Variants in SH3GL2 observed in about 807,000 individuals in gnomAD.
SH3GL2 encodes endophilin-A1.
Under a neutral mutation model 46.0 loss-of-function variants are expected in SH3GL2, and 24 were observed. The observed-to-expected ratio is 0.52, with a 90% confidence interval of 0.38 to 0.73. The LOEUF is 0.73. Ranked by LOEUF, SH3GL2 falls within the 30% of genes least tolerant of loss-of-function variation. SH3GL2 has a pLI of 0.00. For synonymous variants in SH3GL2, 196 were observed against 147.1 expected (o/e 1.33, Z -2.40); for missense variants, 413 against 424.2 (o/e 0.97, Z 0.23).
At chr9:17,654,194 C>G (rs1820017859) in intron 1 of SH3GL2, among the ~76,000 whole-genome samples, 1 of 152,140 alleles carries the variant, frequency 6.6e-6, no homozygotes, top group South Asian at 2.1e-4. Context: ...TTTGGCTGCT[C>G]CTGTTTCTCT....
chr9:17,710,700 A>T (rs974488090), intron 1 of SH3GL2, among the ~76,000 whole-genome samples: 12 of 152,026 alleles, frequency 7.9e-5, no homozygotes, highest in African/African-American at 2.9e-4. Flanking sequence ...GCATATCGTT[A>T]AAACCTTAAC....
intron 2 of SH3GL2, among the ~76,000 whole-genome samples, chr9:17,753,437 G>A (rs1037125479): frequency 2.0e-5 from 3 of 152,148 alleles, no homozygotes; most frequent in African/African-American, 7.2e-5. Context: ...GTGATGTTGA[G>A]TGTTTTCTCA....
rs553828248 is a variant in SH3GL2 at position 17,746,920 on chromosome 9, C to G, written c.46-146C>G. 2.0e-5 allele frequency: 12 copies of G among 599,160 alleles called. 1 individual carries two copies. In the South Asian group the frequency reaches 2.7e-4, roughly 13 times the overall value. The allele number at this position is 599,160 out of a possible 1,614,324, so 37.1% of individuals were successfully genotyped here. On this transcript the variant is annotated intron_variant, in intron 1 of 8. Transcript: ENST00000380607. Reference sequence around the variant, plus strand: ...TTCAGACCCTCAGAGCCACAGTTTGCTGCTATAAAAATGAGACTCTCCACC... The same window carrying G: ...TTCAGACCCTCAGAGCCACAGTTTGGTGCTATAAAAATGAGACTCTCCACC...
intron 1 of SH3GL2, among the ~76,000 whole-genome samples, chr9:17,619,004 T>G (rs34204036): frequency 6.6e-6 from 1 of 152,180 alleles, no homozygotes; most frequent in African/African-American, 2.4e-5. Flanking sequence ...TTTGAAAAGT[T>G]TAAGTACAAA....
At chr9:17,684,775 G>GT (rs1820861772) in intron 1 of SH3GL2, among the ~76,000 whole-genome samples, 1 of 152,086 alleles carries the variant, frequency 6.6e-6, no homozygotes, top group Admixed American at 6.6e-5. Context: ...TCAGAATTAG[G>GT]TAAGGTTACA....
chr9:17,693,043 G>A (rs947221022), intron 1 of SH3GL2, among the ~76,000 whole-genome samples: 5 of 152,160 alleles, frequency 3.3e-5, no homozygotes, highest in Non-Finnish European at 5.9e-5. Flanking sequence ...ATAAATTCAA[G>A]TTGAGATTTG....
intron 1 of SH3GL2, among the ~76,000 whole-genome samples, chr9:17,722,044 A>G (rs898822631): frequency 1.3e-5 from 2 of 152,038 alleles, no homozygotes; most frequent in Non-Finnish European, 2.9e-5. Context: ...CACTCTCTCT[A>G]CGTTGCTATA....
intron 1 of SH3GL2, among the ~76,000 whole-genome samples, chr9:17,719,944 ATTTCTT>A (rs1209722006): frequency 6.7e-6 from 1 of 150,010 alleles, no homozygotes; most frequent in Admixed American, 6.6e-5. Context: ...GATAAGTAGA[ATTTCTT>A]TTTATTTCTG....
chr9:17,660,845 A>T (rs1820194543), intron 1 of SH3GL2, among the ~76,000 whole-genome samples: 1 of 152,236 alleles, frequency 6.6e-6, no homozygotes, highest in Non-Finnish European at 1.5e-5. Flanking sequence ...AAGAACAATT[A>T]GGTTAATTAC....
intron 3 of SH3GL2, among the ~76,000 whole-genome samples, chr9:17,780,136 A>G (rs1179740172): frequency 3.9e-5 from 6 of 152,194 alleles, no homozygotes; most frequent in Admixed American, 3.9e-4. Flanking sequence ...TATCATAAGT[A>G]TATTGCTCAA....
chr9:17,695,700 G>A (rs1020783746), intron 1 of SH3GL2, among the ~76,000 whole-genome samples: 9 of 151,850 alleles, frequency 5.9e-5, no homozygotes, highest in East Asian at 3.9e-4. Flanking sequence ...CTTTTTTTCA[G>A]TCAGGGTAGC....
chr9:17,609,191 T>C (rs2134577267), intron 1 of SH3GL2, among the ~76,000 whole-genome samples: 1 of 152,186 alleles, frequency 6.6e-6, no homozygotes, highest in South Asian at 2.1e-4. Flanking sequence ...CATTTTTAGA[T>C]GAGGAAATAG....
In SH3GL2 at chr9:17,772,353, A is replaced by G. The variant is rs1417774602; in HGVS notation, c.187+10844A>G. Reference sequence around the variant, plus strand: ...TTTTTCATAGTAAAACATGCATAACATGAAATTATCTTAACTATTTTTAAG... The same window carrying G: ...TTTTTCATAGTAAAACATGCATAACGTGAAATTATCTTAACTATTTTTAAG... On this transcript the variant is annotated intron_variant, in intron 3 of 8. Transcript: ENST00000380607. Among the ~76,000 whole-genome samples, 4 of 152,344 alleles carry G rather than the reference A, an allele frequency of 2.6e-5. No individual in the cohort carries two copies. In the East Asian group the frequency reaches 7.7e-4, roughly 29 times the overall value.
At chr9:17,673,520 A>G (rs73645127) in intron 1 of SH3GL2, among the ~76,000 whole-genome samples, 3,887 of 151,794 alleles carry the variant, frequency 0.026, 69 homozygotes, top group African/African-American at 0.034. Flanking sequence ...CGCAACCATG[A>G]TTTTCTTTAG....
intron 1 of SH3GL2, among the ~76,000 whole-genome samples, chr9:17,595,566 A>G (rs985870583): frequency 6.6e-6 from 1 of 152,218 alleles, no homozygotes; most frequent in Non-Finnish European, 1.5e-5. Flanking sequence ...CAGAATATAA[A>G]TGTATAAGTA....
chr9:17,704,014 G>A (rs2118223074), intron 1 of SH3GL2, among the ~76,000 whole-genome samples: 1 of 152,128 alleles, frequency 6.6e-6, no homozygotes, highest in Admixed American at 6.6e-5. Flanking sequence ...TGTCTTTGTA[G>A]ACCATATGGT....
chr9:17,628,927 C>A (rs1442643413), intron 1 of SH3GL2, among the ~76,000 whole-genome samples: 1 of 152,012 alleles, frequency 6.6e-6, no homozygotes, highest in Non-Finnish European at 1.5e-5. Flanking sequence ...ATACATAATA[C>A]CAACTGTTTA....
intron 1 of SH3GL2, among the ~76,000 whole-genome samples, chr9:17,691,265 T>C (rs1434780743): frequency 1.3e-5 from 2 of 152,278 alleles, no homozygotes; most frequent in East Asian, 3.9e-4. Context: ...CTTTGAGACA[T>C]AAATTGGTCT....
intron 1 of SH3GL2, among the ~76,000 whole-genome samples, chr9:17,582,823 T>G (rs917360233): frequency 1.1e-4 from 16 of 152,222 alleles, no homozygotes; most frequent in African/African-American, 3.9e-4. Flanking sequence ...TTAGCTCTTG[T>G]GCTTTGTTGG....
Sources: allele counts gnomAD v4.1 joint callset (sites outside exome capture counted in the v4.1 genomes callset), GRCh38; gene constraint gnomAD v4.1.1; transcripts MANE v1.5; gene names NCBI Gene and HGNC (gene_info 2026-07-23, HGNC 2026-07-21).